Variants in TXLNB observed in about 807,000 individuals in gnomAD.
The protein encoded by TXLNB is beta-taxilin.
TXLNB carries 37 observed loss-of-function variants against 57.4 expected under a neutral mutation model. That is an observed-to-expected ratio of 0.64 (90% CI 0.50 to 0.85). TXLNB has a LOEUF of 0.85. Among genes scored for constraint, TXLNB ranks in the 40% least tolerant of loss-of-function variants. The pLI is 0.00. For synonymous variants in TXLNB, 302 were observed against 309.6 expected (o/e 0.98, Z 0.26); for missense variants, 848 against 825.6 (o/e 1.03, Z -0.33).
At chr6:139,217,923 AATCAGTCTTAAAGCTATGAAC>A in the TXLNB span, among the ~76,000 whole-genome samples, 10 of 152,176 alleles carry the variant, frequency 6.6e-5, no homozygotes, top group South Asian at 2.1e-3. Flanking sequence ...TGAATATTGC[AATCAGTCTTAAAGCTATGAAC>A]ATTGTGTCCA....
chr6:139,202,226 G>A, the TXLNB span, among the ~76,000 whole-genome samples: 2 of 152,164 alleles, frequency 1.3e-5, no homozygotes, highest in Non-Finnish European at 2.9e-5. Flanking sequence ...CCATTTCAGT[G>A]ATGCAAATCA....
chr6:139,228,446 A>G, the TXLNB span, among the ~76,000 whole-genome samples: 1 of 151,220 alleles, frequency 6.6e-6, no homozygotes, highest in East Asian at 1.9e-4. Flanking sequence ...GAATCACTTG[A>G]ACCCAGGAGG....
the TXLNB span, among the ~76,000 whole-genome samples, chr6:139,311,691 A>T: frequency 1.3e-5 from 2 of 152,296 alleles, no homozygotes; most frequent in Admixed American, 1.3e-4. Flanking sequence ...TTTACCTCTT[A>T]TGGAGGAAAA....
the TXLNB span, chr6:139,176,890 A>G: frequency 2.4e-6 from 2 of 826,946 alleles, no homozygotes; most frequent in Non-Finnish European, 2.1e-6. The surrounding 1 kb of genome is among the most constrained non-coding windows in gnomAD (Gnocchi z 4.5). Flanking sequence ...GACTTTGACA[A>G]GTGTTGGGAA....
the TXLNB span, among the ~76,000 whole-genome samples, chr6:139,303,978 G>C: frequency 1.3e-5 from 2 of 151,462 alleles, no homozygotes; most frequent in Admixed American, 1.3e-4. Context: ...AAGCAAGAAA[G>C]CTTTCAAAAC....
the TXLNB span, among the ~76,000 whole-genome samples, chr6:139,188,638 A>AT: frequency 2.6e-5 from 4 of 152,190 alleles, no homozygotes; most frequent in Non-Finnish European, 5.9e-5. Context: ...AACGTCTCTC[A>AT]TTTACATTTT....
intron 2 of TXLNB, among the ~76,000 whole-genome samples, chr6:139,281,709 C>T (rs1453175617): frequency 9.0e-6 from 1 of 110,578 alleles, no homozygotes; most frequent in Admixed American, 8.1e-5. Context: ...CTACCACGCC[C>T]GGCTAATTTT....
chr6:139,267,769 A>G (rs532744603), intron 4 of TXLNB, among the ~76,000 whole-genome samples: 2 of 152,322 alleles, frequency 1.3e-5, no homozygotes, highest in East Asian at 3.9e-4. Flanking sequence ...GCTGAAAATG[A>G]ATGGATGAAA....
intron 7 of TXLNB, among the ~76,000 whole-genome samples, chr6:139,248,191 T>C (rs1380198721): frequency 6.7e-6 from 1 of 150,304 alleles, no homozygotes; most frequent in Non-Finnish European, 1.5e-5. Context: ...GAGAATGGCG[T>C]GAACCTGGGA....
chr6:139,165,568 C>G, the TXLNB span, among the ~76,000 whole-genome samples: 1 of 151,484 alleles, frequency 6.6e-6, no homozygotes, highest in Non-Finnish European at 1.5e-5. Context: ...TCATCCCCCA[C>G]CCCCTGTGGC....
chr6:139,279,335 C>G (rs7762039), intron 2 of TXLNB, among the ~76,000 whole-genome samples: 34,669 of 152,100 alleles, frequency 0.23, 4,103 homozygotes, highest in South Asian at 0.29. Context: ...ACTGAGGTCT[C>G]TTTCTGCTCT....
chr6:139,234,233 T>TG, the TXLNB span: 3 of 152,178 alleles, frequency 2.0e-5, no homozygotes, highest in African/African-American at 7.2e-5. Flanking sequence ...AAACCCATTT[T>TG]GGGGGGAGAA....
At chr6:139,217,055 C>G in the TXLNB span, among the ~76,000 whole-genome samples, 1 of 152,108 alleles carries the variant, frequency 6.6e-6, no homozygotes, top group Non-Finnish European at 1.5e-5. Flanking sequence ...AGATAAGCTA[C>G]AATGCCTATC....
At chr6:139,179,066 A>T in the TXLNB span, 1 of 152,182 alleles carries the variant, frequency 6.6e-6, no homozygotes, top group African/African-American at 2.4e-5. Context: ...AGAAGTAGAA[A>T]GTCATTGAAC....
the TXLNB span, among the ~76,000 whole-genome samples, chr6:139,197,366 T>TTTTG: frequency 0.71 from 108,407 of 151,692 alleles, 40,086 homozygotes; most frequent in African/African-American, 0.86. Context: ...CAGACAGTGA[T>TTTTG]TTTATTTGTT....
intron 3 of TXLNB, 34 bp downstream of exon 3, chr6:139,276,796 C>T (rs779925863): frequency 9.7e-6 from 15 of 1,543,668 alleles, no homozygotes; most frequent in Admixed American, 5.4e-5. Flanking sequence ...GCTCACTAAT[C>T]GTTCTGAGAA....
the TXLNB span, among the ~76,000 whole-genome samples, chr6:139,199,491 A>G: frequency 6.6e-6 from 1 of 152,222 alleles, no homozygotes; most frequent in East Asian, 1.9e-4. Flanking sequence ...TCTGGCAGGA[A>G]ATTCAGATGC....
chr6:139,256,351 C>T (rs951637885), intron 6 of TXLNB, among the ~76,000 whole-genome samples: 2 of 151,896 alleles, frequency 1.3e-5, no homozygotes, highest in Admixed American at 6.6e-5. Context: ...TTCTTTGAGA[C>T]GGAGTTTCTC....
At chr6:139,166,609 C>T in the TXLNB span, 8 of 1,614,028 alleles carry the variant, frequency 5.0e-6, no homozygotes, top group African/African-American at 1.3e-5. Flanking sequence ...GGATGCAGGA[C>T]GAGAAAAAGA....
Sources: gnomAD v4.1 joint callset for allele counts (sites outside exome capture counted in the v4.1 genomes callset) on GRCh38, gnomAD v4.1.1 for gene constraint, Gnocchi (gnomAD v3.1) non-coding constraint, MANE v1.5 for transcripts, NCBI Gene and HGNC (gene_info 2026-07-23, HGNC 2026-07-21) for gene names.